Variants in CEP126 observed in about 807,000 individuals in gnomAD.
CEP126 encodes the protein centrosomal protein 126.
Under a neutral mutation model 107.8 loss-of-function variants are expected in CEP126, and 74 were observed. That is an observed-to-expected ratio of 0.69 (90% CI 0.57 to 0.83). The LOEUF is 0.83. CEP126 is among the 40% of genes least tolerant of loss of function. The probability of loss-of-function intolerance (pLI) is 0.00; values close to 1 mark genes in which losing one functional copy is unlikely to be tolerated. For synonymous variants in CEP126, 449 were observed against 446.0 expected (o/e 1.01, Z -0.08); for missense variants, 1,237 against 1,281.9 (o/e 0.96, Z 0.53).
chr11:101,972,161 G>C (rs1941138053), intron 6 of CEP126, among the ~76,000 whole-genome samples: 1 of 150,304 alleles, frequency 6.7e-6, no homozygotes, highest in African/African-American at 2.4e-5. Flanking sequence ...GGCGTGGTGG[G>C]TCACGCCTGT....
At position 101,938,383 on chromosome 11, in the gene CEP126, C is replaced by T. The variant is rs1208683111; in HGVS notation, c.249-5882C>T. ...GTTTTCTTAACATTTTCCAAAGCAA[C>T]TTGTCTATGTTTTCTCTATTTTTTT... On this transcript the variant is annotated intron_variant, in intron 2 of 10. Transcript: ENST00000263468. Among the ~76,000 whole-genome samples, 3 of 149,236 alleles carry T rather than the reference C, an allele frequency of 2.0e-5. No homozygotes were observed. The East Asian group carries it at 5.9e-4, about 29-fold the overall frequency.
intron 9 of CEP126, among the ~76,000 whole-genome samples, chr11:101,987,787 TACTC>T (rs1228538961): frequency 6.6e-6 from 1 of 151,956 alleles, no homozygotes; most frequent in Non-Finnish European, 1.5e-5. Context: ...TTACAGCCCA[TACTC>T]ACATTAACTG....
intron 4 of CEP126, chr11:101,957,068 T>C (rs1234803805): frequency 3.8e-6 from 1 of 262,344 alleles, no homozygotes; most frequent in Non-Finnish European, 7.4e-6. Context: ...AAACATACTC[T>C]CAATGTTCAG....
intron 2 of CEP126, among the ~76,000 whole-genome samples, chr11:101,929,600 C>T (rs1940463154): frequency 6.6e-6 from 1 of 152,172 alleles, no homozygotes; most frequent in South Asian, 2.1e-4. Context: ...CAGGCTTCCT[C>T]AGATACCACC....
In CEP126 at chr11:101,919,368, A is replaced by T. The variant is rs990069664; in HGVS notation, c.129-3273A>T. Among the ~76,000 whole-genome samples, 3 of 152,138 alleles carry T rather than the reference A, an allele frequency of 2.0e-5. No homozygotes were observed. In the East Asian group the frequency reaches 5.8e-4, roughly 29 times the overall value. ...ATAAAAGACTAAGTTGGGAGAGGAGAAGTGAGGATAGAGTGGGGTAGAATA... is the reference window on the plus strand; with the variant it reads ...ATAAAAGACTAAGTTGGGAGAGGAGTAGTGAGGATAGAGTGGGGTAGAATA... On this transcript the variant is annotated intron_variant, in intron 1 of 10. Coordinates refer to ENST00000263468, the MANE Select transcript of CEP126 (RefSeq NM_020802.4).
intron 6 of CEP126, among the ~76,000 whole-genome samples, chr11:101,967,028 T>TC (rs897809778): frequency 3.4e-5 from 5 of 145,704 alleles, no homozygotes; most frequent in African/African-American, 1.3e-4. Context: ...TTTCTTTCTT[T>TC]TTTTTTTTTT....
At chr11:101,969,314 C>A (rs1941097480) in intron 6 of CEP126, among the ~76,000 whole-genome samples, 1 of 152,182 alleles carries the variant, frequency 6.6e-6, no homozygotes, top group African/African-American at 2.4e-5. Context: ...AGCCACCACA[C>A]CCAGCCAACA....
At chr11:101,973,306 T>C (rs1273374952) in intron 6 of CEP126, among the ~76,000 whole-genome samples, 2 of 152,186 alleles carry the variant, frequency 1.3e-5, no homozygotes, top group African/African-American at 4.8e-5. Context: ...AATTATGTGG[T>C]ACATATACAC....
intron 4 of CEP126, among the ~76,000 whole-genome samples, chr11:101,950,993 A>G (rs1419705394): frequency 6.6e-6 from 1 of 152,182 alleles, no homozygotes; most frequent in East Asian, 1.9e-4. Context: ...GAGACCAGAG[A>G]GGAAATTATT....
intron 9 of CEP126, among the ~76,000 whole-genome samples, chr11:101,992,036 T>C (rs893504423): frequency 3.5e-4 from 54 of 152,186 alleles, no homozygotes; most frequent in African/African-American, 1.1e-3. Flanking sequence ...GCTTCCAAGG[T>C]AGTGATAATG....
At chr11:101,961,665 A>G (rs1940970531) in intron 5 of CEP126, 76 bp from the exon 6 acceptor site, 3 of 773,052 alleles carry the variant, frequency 3.9e-6, no homozygotes, top group Admixed American at 5.8e-5. Context: ...GGGCTCAGTA[A>G]CAATGGTATG....
At chr11:101,965,410 T>A (rs185749743) in intron 6 of CEP126, among the ~76,000 whole-genome samples, 31 of 152,334 alleles carry the variant, frequency 2.0e-4, no homozygotes, top group Non-Finnish European at 3.5e-4. Flanking sequence ...TAACAGTGCC[T>A]GGCACTTAGT....
chr11:101,992,906 A>C lies in CEP126; in HGVS notation c.3309+64A>C, dbSNP rs1941402299. 1.2e-5 allele frequency: 16 copies of C among 1,378,512 alleles called. No homozygotes were observed. The South Asian group carries it at 2.4e-4, about 21-fold the overall frequency. The allele number at this position is 1,378,512 out of a possible 1,614,324, so 85.4% of individuals were successfully genotyped here. ...AAACTTCTGATTTTATGTACACATC[A>C]ATACAGGTAAGAACCCCGTATTAAT... On this transcript the variant is annotated intron_variant, in intron 10 of 10. Transcript: ENST00000263468.
In CEP126 at chr11:101,962,562, T is replaced by C. The variant is rs1474216824; in HGVS notation, c.1527T>C (p.Asn509=). ...AAGAAGAAGAGATAAAATATTTTAA[T>C]TGCAATAAGGAAGAGTTGCCTTTAT... The part of the protein sequence containing the change: ...DGKEEEIKYF[N]CNKEELPLFS... Residue 509 remains asparagine (N), a synonymous_variant, in exon 6 of 11, where the codon AAT becomes AAC. Transcript: ENST00000263468. 6.2e-6 allele frequency: 10 copies of C among 1,613,102 alleles called. No homozygotes were observed. The highest frequency in any genetic ancestry group is 8.5e-6 in the Non-Finnish European group (10 of 1,179,438).
chr11:101,955,595 G>A (rs890932969), intron 4 of CEP126, among the ~76,000 whole-genome samples: 11 of 152,142 alleles, frequency 7.2e-5, no homozygotes, highest in Non-Finnish European at 1.2e-4. Flanking sequence ...AAGAAATGGC[G>A]AACCTGAATA....
chr11:101,993,212 C>T (rs1477821615), intron 10 of CEP126, among the ~76,000 whole-genome samples: 2 of 152,166 alleles, frequency 1.3e-5, no homozygotes, highest in East Asian at 1.9e-4. Flanking sequence ...TCCTCCCACC[C>T]TCCATGGCCT....
At chr11:101,955,790 A>G (rs1256117632) in intron 4 of CEP126, 4 of 441,416 alleles carry the variant, frequency 9.1e-6, no homozygotes, top group Non-Finnish European at 1.8e-5. Flanking sequence ...CCACCTGTGC[A>G]GATCCATTCC....
At chr11:101,961,410 C>T (rs1332561175) in intron 5 of CEP126, among the ~76,000 whole-genome samples, 1 of 152,050 alleles carries the variant, frequency 6.6e-6, no homozygotes, top group African/African-American at 2.4e-5. Flanking sequence ...ATCTCACTTT[C>T]TATTACTAAG....
At chr11:101,915,946 G>A (rs905497320) in intron 1 of CEP126, 2 of 152,298 alleles carry the variant, frequency 1.3e-5, no homozygotes, top group African/African-American at 4.8e-5. Flanking sequence ...AAGAGGAAAT[G>A]AGAAACAGGG....
Sources: gnomAD v4.1 joint callset for allele counts (sites outside exome capture counted in the v4.1 genomes callset) on GRCh38, gnomAD v4.1.1 for gene constraint, MANE v1.5 for transcripts, NCBI Gene and HGNC (gene_info 2026-07-23, HGNC 2026-07-21) for gene names.